Variants in PLCB1 observed in about 807,000 individuals in gnomAD.
The protein encoded by PLCB1 is 1-phosphatidylinositol 4,5-bisphosphate phosphodiesterase beta-1.
Under a neutral mutation model 161.8 loss-of-function variants are expected in PLCB1, and 46 were observed. The observed-to-expected ratio is 0.28, with a 90% CI of 0.22 to 0.36. PLCB1 has a LOEUF of 0.36. PLCB1 is among the 10% of genes least tolerant of loss of function. The pLI is 1.00. For missense variants in PLCB1, 1,016 were observed against 1,472.5 expected, an observed-to-expected ratio of 0.69 and a Z score of 5.07; for synonymous variants, 517 against 503.7, an observed-to-expected ratio of 1.03 and a Z score of -0.35.
At chr20:8,467,141 A>G (rs1190261407) in intron 3 of PLCB1, among the ~76,000 whole-genome samples, 2 of 151,942 alleles carry the variant, frequency 1.3e-5, no homozygotes, top group African/African-American at 4.8e-5. Context: ...GGGTTTCACT[A>G]TGTTGGCCAG....
At chr20:8,445,928 C>T (rs1023047608) in intron 3 of PLCB1, among the ~76,000 whole-genome samples, 6 of 152,028 alleles carry the variant, frequency 3.9e-5, no homozygotes, top group Admixed American at 1.3e-4. Flanking sequence ...AGTTGCTTAC[C>T]GAAAAAAGTC....
intron 4 of PLCB1, among the ~76,000 whole-genome samples, chr20:8,640,810 A>T (rs1988929520): frequency 6.6e-6 from 1 of 152,202 alleles, no homozygotes; most frequent in Non-Finnish European, 1.5e-5. Context: ...CAACAGAAAC[A>T]AACATCTCTC....
intron 2 of PLCB1, among the ~76,000 whole-genome samples, chr20:8,350,063 A>G (rs1986133611): frequency 6.6e-6 from 1 of 152,226 alleles, no homozygotes; most frequent in Admixed American, 6.5e-5. Context: ...GAAATGAACA[A>G]TTGGAACTTG....
chr20:8,528,235 G>A (rs1302476465), intron 3 of PLCB1, among the ~76,000 whole-genome samples: 1 of 151,974 alleles, frequency 6.6e-6, no homozygotes, highest in Non-Finnish European at 1.5e-5. Flanking sequence ...TCCACACAAT[G>A]ACTTTTACAT....
intron 2 of PLCB1, among the ~76,000 whole-genome samples, chr20:8,183,964 A>G (rs1210185339): frequency 6.6e-6 from 1 of 152,180 alleles, no homozygotes; most frequent in Non-Finnish European, 1.5e-5. Flanking sequence ...GCATTCTTCC[A>G]TCTTGAAAAT....
chr20:8,820,035 A>G (rs1985262139), intron 31 of PLCB1, among the ~76,000 whole-genome samples: 1 of 148,940 alleles, frequency 6.7e-6, no homozygotes, highest in African/African-American at 2.4e-5. Flanking sequence ...CAGATTACTT[A>G]TACTACCTAA....
At chr20:8,289,913 A>G (rs1983308641) in intron 2 of PLCB1, among the ~76,000 whole-genome samples, 2 of 152,206 alleles carry the variant, frequency 1.3e-5, no homozygotes, top group Non-Finnish European at 2.9e-5. Context: ...GAGGTGGATG[A>G]TGGCAGTTAT....
chr20:8,252,893 T>G (rs987016255), intron 2 of PLCB1, among the ~76,000 whole-genome samples: 1 of 152,156 alleles, frequency 6.6e-6, no homozygotes, highest in African/African-American at 2.4e-5. Context: ...TATAGCTTTG[T>G]TTTGCCTTAC....
At chr20:8,520,732 A>G (rs1018006310) in intron 3 of PLCB1, among the ~76,000 whole-genome samples, 4 of 152,098 alleles carry the variant, frequency 2.6e-5, no homozygotes, top group Non-Finnish European at 1.5e-5. Flanking sequence ...TTTCTTTTCA[A>G]CTTCATATCA....
intron 31 of PLCB1, among the ~76,000 whole-genome samples, chr20:8,874,622 T>C (rs1987715979): frequency 1.3e-5 from 2 of 152,054 alleles, no homozygotes; most frequent in Non-Finnish European, 2.9e-5. Flanking sequence ...AATGTCATGA[T>C]GCCTGAAACA....
At chr20:8,627,549 C>T (rs897860276) in intron 3 of PLCB1, among the ~76,000 whole-genome samples, 7 of 152,202 alleles carry the variant, frequency 4.6e-5, no homozygotes, top group Non-Finnish European at 7.3e-5. Flanking sequence ...CCTTCAGGGC[C>T]TGTCCTATGG....
intron 3 of PLCB1, among the ~76,000 whole-genome samples, chr20:8,570,003 A>G (rs1157736206): frequency 6.6e-6 from 1 of 152,126 alleles, no homozygotes; most frequent in East Asian, 1.9e-4. Flanking sequence ...CAGCAGCTCA[A>G]CCAGGTCATT....
chr20:8,158,383 T>C (rs1436582448), intron 2 of PLCB1, among the ~76,000 whole-genome samples: 1 of 152,206 alleles, frequency 6.6e-6, no homozygotes, highest in African/African-American at 2.4e-5. Flanking sequence ...ATTTTCATGC[T>C]GCTGATAAGA....
chr20:8,489,708 G>A (rs776767099), intron 3 of PLCB1, among the ~76,000 whole-genome samples: 19 of 152,212 alleles, frequency 1.2e-4, no homozygotes, highest in Non-Finnish European at 2.8e-4. Flanking sequence ...CCAGAGTGCA[G>A]ATGCAATGCA....
At chr20:8,629,986 CTTTCTTTCTT>C (rs1339913589) in intron 4 of PLCB1, among the ~76,000 whole-genome samples, 1 of 102,284 alleles carries the variant, frequency 9.8e-6, no homozygotes, top group East Asian at 2.6e-4. Context: ...TTCTTTCTTT[CTTTCTTTCTT>C]TCTTTCTTTC....
chr20:8,760,354 G>T, intron 24 of PLCB1, 53 bp from the exon 25 acceptor site: 2 of 1,082,504 alleles, frequency 1.8e-6, no homozygotes, highest in South Asian at 1.4e-5. Flanking sequence ...TTTACAGGAA[G>T]AATAAAATTT....
At chr20:8,287,913 A>G (rs1333263168) in intron 2 of PLCB1, among the ~76,000 whole-genome samples, 1 of 152,194 alleles carries the variant, frequency 6.6e-6, no homozygotes, top group Admixed American at 6.5e-5. Flanking sequence ...AGAAGAAGAC[A>G]AAGATGTGTG....
At chr20:8,266,226 T>A (rs1433471145) in intron 2 of PLCB1, among the ~76,000 whole-genome samples, 1 of 152,192 alleles carries the variant, frequency 6.6e-6, no homozygotes, top group Admixed American at 6.5e-5. Flanking sequence ...TCTACTGATC[T>A]GAGCATATCC....
chr20:8,606,560 T>C (rs574275679), intron 3 of PLCB1, among the ~76,000 whole-genome samples: 1 of 152,214 alleles, frequency 6.6e-6, no homozygotes, highest in South Asian at 2.1e-4. Flanking sequence ...TGATTACAAT[T>C]ATTATTAGTG....
Sources: allele counts gnomAD v4.1 joint callset (sites outside exome capture counted in the v4.1 genomes callset), GRCh38; gene constraint gnomAD v4.1.1; transcripts MANE v1.5; gene names NCBI Gene and HGNC (gene_info 2026-07-23, HGNC 2026-07-21).